Variants in PNPLA6 observed in about 807,000 individuals in gnomAD.
PNPLA6 encodes the protein patatin like domain 6, lysophospholipase.
PNPLA6 carries 105 observed loss-of-function variants against 153.7 expected under a neutral mutation model. The ratio of observed to expected loss-of-function variants is 0.68; its 90% CI spans 0.58 to 0.80. PNPLA6 has a LOEUF of 0.80. Ranked by LOEUF, PNPLA6 falls within the 30% of genes least tolerant of loss-of-function variation. PNPLA6 has a pLI of 0.00. For missense variants in PNPLA6, 1,423 were observed against 1,919.3 expected (o/e 0.74, Z 4.83); for synonymous variants, 825 against 822.2 (o/e 1.00, Z -0.06).
upstream of PNPLA6, chr19:7,535,554 G>A: frequency 1.9e-6 from 3 of 1,604,274 alleles, no homozygotes; most frequent in Non-Finnish European, 2.6e-6. This position sits in a 1 kb window ranked among gnomAD's most constrained non-coding sequence, Gnocchi z 5.0. Context: ...TCAACCGATG[G>A]AGGCTCCGCT....
intron 18 of PNPLA6, among the ~76,000 whole-genome samples, chr19:7,552,685 G>A (rs2023703846): frequency 6.7e-6 from 1 of 148,464 alleles, no homozygotes. Context: ...AACCGGGGAG[G>A]CAGAGGTTGC....
At chr19:7,558,721 T>C (rs1225369747) in intron 27 of PNPLA6, 129 bp from the exon 28 acceptor site, 8 of 679,360 alleles carry the variant, frequency 1.2e-5, no homozygotes, top group Non-Finnish European at 2.0e-5. Context: ...GCATGGTGTT[T>C]GCATGTGTGG....
intron 3 of PNPLA6, 110 bp from the exon 4 acceptor site, chr19:7,539,808 C>G (rs1466911229): frequency 2.0e-5 from 14 of 695,406 alleles, no homozygotes. Flanking sequence ...GGCCAGCGGG[C>G]CAGAGTTTGC....
intron 13 of PNPLA6, among the ~76,000 whole-genome samples, chr19:7,549,237 A>C (rs2023533551): frequency 7.0e-6 from 1 of 142,404 alleles, no homozygotes. Context: ...CCCACGCTGG[A>C]GTGCAGTGGC....
rs188658630 is a variant in PNPLA6, at chr19:7,546,922, T to A, written c.1609-2985T>A. Among the ~76,000 whole-genome samples the A allele has an allele frequency of 2.1e-3, 324 of 151,506 alleles. 2 individuals are homozygous for A. Among genetic ancestry groups the A allele is most frequent in the African/African-American group, 7.3e-3 (301 of 41,340 alleles). On this transcript the variant is annotated intron_variant, in intron 13 of 31. Transcript: ENST00000600737. ...AAGCCAATTCAATTTTTTTTTTTTT[T>A]AAGAGGGAGTCTCGCTATGTCGCCC...
At chr19:7,554,184 G>A in intron 19 of PNPLA6, 25 bp from the exon 20 acceptor site, 1 of 1,611,300 alleles carries the variant, frequency 6.2e-7, no homozygotes, top group East Asian at 2.2e-5. Flanking sequence ...ATGGTTCCCA[G>A]CCTCCCTTCC....
intron 3 of PNPLA6, among the ~76,000 whole-genome samples, chr19:7,537,150 TG>T (rs1018679996): frequency 5.3e-5 from 8 of 152,012 alleles, no homozygotes; most frequent in African/African-American, 1.9e-4. Flanking sequence ...ATATACTTAG[TG>T]GGGGGGTCTA....
Position 7,561,616 on chromosome 19 carries a change from G to A in PNPLA6, c.*54G>A. 7.7e-7 allele frequency: 1 copy of A among 1,294,698 alleles called. No homozygotes were observed. Among genetic ancestry groups the A allele is most frequent in the Non-Finnish European group, 1.1e-6 (1 of 923,912 alleles). The allele number at this position is 1,294,698 out of a possible 1,614,324, so 80.2% of individuals were successfully genotyped here. A position where few individuals can be genotyped will look rare whatever the true frequency, so the allele number is the denominator to read the frequency against. Reference sequence around the variant, plus strand: ...CCCACCCCTGGACTGGGCTGGGGGTGGCCCCGTGGGGGTAGCTCACTCCCC... The same window carrying A: ...CCCACCCCTGGACTGGGCTGGGGGTAGCCCCGTGGGGGTAGCTCACTCCCC... On this transcript the variant is annotated 3_prime_UTR_variant, in exon 32 of 32. Transcript: ENST00000600737.
In PNPLA6 at chr19:7,553,977, C is replaced by T; in HGVS notation, c.2363C>T (p.Ala788Val). 6.2e-7 allele frequency: 1 copy of T among 1,614,126 alleles called. No homozygotes were observed. The highest frequency in any genetic ancestry group is 8.5e-7 in the Non-Finnish European group (1 of 1,180,024). ...LPVCAEVPMV[A>V]FTLELQHALQ... ...GTGTGTGCTGAGGTCCCCATGGTGG[C>T]CTTCACGCTGGAGCTGCAGCACGCC... The change falls in exon 19 of 32, where the codon GCC (alanine) becomes GTC (valine). Residue 788 changes from alanine (A) to valine (V), a missense_variant. Ala to Val is a moderately conservative substitution (Grantham distance 64). Transcript: ENST00000600737.
chr19:7,535,363 C>T (rs1418480850), upstream of PNPLA6: 4 of 697,240 alleles, frequency 5.7e-6, no homozygotes, highest in South Asian at 4.7e-5. This position sits in a 1 kb window ranked among gnomAD's most constrained non-coding sequence, Gnocchi z 5.0. Context: ...CCGCAGCGCC[C>T]CTCTAGCCTC....
In PNPLA6 at chr19:7,561,221, T is replaced by A; in HGVS notation, c.3927T>A (p.Asp1309Glu). The change falls in exon 31 of 32, where the codon GAT becomes GAA. Residue 1309 changes from aspartate to glutamate, a missense_variant. Physicochemically the swap from Asp to Glu is conservative, Grantham distance 45. Transcript: ENST00000600737. ...SDGCADGEES[D>E]CLTEYEEDAG... ...CCCCGATTCCAGGAGAGGAGTCAGATTGTCTGACAGAGTATGAGGAGGACG... is the reference window on the plus strand; with the variant it reads ...CCCCGATTCCAGGAGAGGAGTCAGAATGTCTGACAGAGTATGAGGAGGACG... 6.2e-7 allele frequency: 1 copy of A among 1,609,370 alleles called. No homozygotes were observed. Among genetic ancestry groups the A allele is most frequent in the Non-Finnish European group, 8.5e-7 (1 of 1,178,200 alleles).
chr19:7,542,098 A>G (rs1215815961), intron 10 of PNPLA6, 31 bp downstream of exon 10: 5 of 1,572,920 alleles, frequency 3.2e-6, no homozygotes, highest in Admixed American at 1.7e-5. Context: ...GGGGAGGGCC[A>G]TGGAGCTTCC....
At position 7,540,757 on chromosome 19, in the gene PNPLA6, A is replaced by G; in HGVS notation, c.795+47A>G. On this transcript the variant is annotated intron_variant, in intron 6 of 31. Transcript: ENST00000600737. The surrounding 1 kb of genome is among the most constrained non-coding windows in gnomAD (Gnocchi z 6.8). ...CAGGGGGGCTGGGGTGCAAGGTCCC[A>G]CCCAAGGGACTAGGTTGAAGGAAAT... 1.9e-6 allele frequency: 3 copies of G among 1,544,984 alleles called. No homozygotes were observed. Among genetic ancestry groups the G allele is most frequent in the African/African-American group, 1.4e-5 (1 of 73,712 alleles).
chr19:7,558,681 G>T (rs1433024218), intron 27 of PNPLA6, among the ~76,000 whole-genome samples, 169 bp from the exon 28 acceptor site: 1 of 152,026 alleles, frequency 6.6e-6, no homozygotes, highest in African/African-American at 2.4e-5. Context: ...CTCAACTTCA[G>T]TTGCATCATT....
At chr19:7,548,870 T>C (rs1458741705) in intron 13 of PNPLA6, among the ~76,000 whole-genome samples, 1 of 149,030 alleles carries the variant, frequency 6.7e-6, no homozygotes, top group Non-Finnish European at 1.5e-5. Flanking sequence ...TGGCGCGATC[T>C]CGGCTCACTG....
In PNPLA6 at chr19:7,550,985, GC is replaced by G. The variant is rs1568416371; in HGVS notation, c.2071-3del. 2 of 1,531,542 alleles carry G rather than the reference GC, an allele frequency of 1.3e-6. No individual in the cohort carries two copies. Among genetic ancestry groups the G allele is most frequent in the Non-Finnish European group, 1.8e-6 (2 of 1,135,814 alleles). 94.9% of individuals were successfully genotyped at this position (1,531,542 alleles called of 1,614,324 possible). On this transcript the variant is annotated splice_region_variant and splice_polypyrimidine_tract_variant and intron_variant, in intron 16 of 31. Coordinates refer to ENST00000600737, the MANE Select transcript of PNPLA6 (RefSeq NM_001166114.2). ...CCAAGCAGCCCCAATCATGCACGCG[GC>G]CCCCCAGGTGGAGGCACTGACCCGG... is the stretch of plus-strand genomic sequence containing the variant.
chr19:7,555,740 C>A lies in PNPLA6; in HGVS notation c.3070C>A (p.Gln1024Lys), dbSNP rs2023851010. The part of the protein sequence containing the change: ...AEERSASRTK[Q>K]RAREWAKSMT... ...GGAGCGCAGCGCCAGCCGCACGAAG[C>A]AGCGGGCCCGGGAGTGGGCCAAGGT... The change falls in exon 24 of 32, where the codon CAG (glutamine) becomes AAG (lysine). Residue 1024 changes from glutamine to lysine, a missense_variant. Physicochemically the swap from Gln to Lys is moderately conservative, Grantham distance 53. Transcript: ENST00000600737. This position sits in a 1 kb window ranked among gnomAD's most constrained non-coding sequence, Gnocchi z 6.3. 2 of 1,613,660 alleles carry A rather than the reference C, an allele frequency of 1.2e-6. No homozygotes were observed.
In PNPLA6 at chr19:7,551,446, C is replaced by T. The variant is rs1273744139; in HGVS notation, c.2260+9C>T. 2 of 1,612,256 alleles carry T rather than the reference C, an allele frequency of 1.2e-6. No individual in the cohort carries two copies. Among genetic ancestry groups the T allele is most frequent in the Non-Finnish European group, 1.7e-6 (2 of 1,178,490 alleles). ...GCAAGGACCCTTCCCAGGTGAGAGC[C>T]GGCCGGCCCAGAGCGTGCTGGGAGA... On this transcript the variant is annotated intron_variant, in intron 18 of 31. Transcript: ENST00000600737.
intron 18 of PNPLA6, among the ~76,000 whole-genome samples, chr19:7,553,448 T>A (rs1205013587): frequency 6.6e-6 from 1 of 152,184 alleles, no homozygotes; most frequent in African/African-American, 2.4e-5. Flanking sequence ...GAGCAGTGTT[T>A]CTCCATGTTG....
Sources: gnomAD v4.1 joint callset for allele counts (sites outside exome capture counted in the v4.1 genomes callset) on GRCh38, gnomAD v4.1.1 for gene constraint, Gnocchi (gnomAD v3.1) non-coding constraint, MANE v1.5 for transcripts, NCBI Gene and HGNC (gene_info 2026-07-23, HGNC 2026-07-21) for gene names.